NDUFA13: variants seen among roughly 807,000 people sequenced by gnomAD.
The protein encoded by NDUFA13 is NADH:ubiquinone oxidoreductase subunit A13, also known as NADH dehydrogenase [ubiquinone] 1 alpha subcomplex subunit 13.
A neutral mutation model predicts 17.0 loss-of-function variants in NDUFA13; 16 were observed. The observed-to-expected ratio is 0.94, with a 90% CI of 0.64 to 1.43. The LOEUF is 1.43. Among genes scored for constraint, NDUFA13 ranks in the 40% most tolerant of loss-of-function variants. The pLI, the probability that NDUFA13 is intolerant of heterozygous loss-of-function variation, is 0.00. For synonymous variants in NDUFA13, 87 were observed against 78.4 expected (o/e 1.11, Z -0.58); for missense variants, 228 against 206.7 (o/e 1.10, Z -0.63).
intron 1 of NDUFA13, among the ~76,000 whole-genome samples, chr19:19,523,916 C>G (rs975748332): frequency 6.6e-6 from 1 of 152,078 alleles, no homozygotes; most frequent in Non-Finnish European, 1.5e-5. Context: ...GGCTACAGAG[C>G]GAGACTTTGT....
At chr19:19,525,173 G>T (rs563297139) in intron 1 of NDUFA13, among the ~76,000 whole-genome samples, 1 of 152,358 alleles carries the variant, frequency 6.6e-6, no homozygotes, top group African/African-American at 2.4e-5. Context: ...TCTGAGCCCG[G>T]ACCCAGCACA....
Position 19,528,089 on chromosome 19 carries a change from C to A in NDUFA13, c.398C>A (p.Ala133Asp). The A allele has an allele frequency of 1.2e-6, 2 of 1,611,658 alleles. No homozygotes were observed. The highest frequency in any genetic ancestry group is 1.7e-6 in the Non-Finnish European group (2 of 1,179,862). Reference sequence around the variant, plus strand: ...TACGGGCTGCGCACCACAGAGGAGGCTCTCCATGCCAGCCACGGCTTCATG... The same window carrying A: ...TACGGGCTGCGCACCACAGAGGAGGATCTCCATGCCAGCCACGGCTTCATG... ...ELYGLRTTEE[A>D]LHASHGFMWY... is the part of the protein sequence containing the mutation. Residue 133 changes from alanine (A) to aspartate (D), a missense_variant, in exon 5 of 5, where the codon GCT becomes GAT. Coordinates refer to ENST00000507754, the MANE Select transcript of NDUFA13 (RefSeq NM_015965.7).
intron 3 of NDUFA13, 129 bp from the exon 4 acceptor site, chr19:19,527,572 G>A: frequency 1.0e-6 from 1 of 960,840 alleles, no homozygotes; most frequent in Non-Finnish European, 1.6e-6. Context: ...CAAGAGAAAA[G>A]CTAGGAGTTG....
chr19:19,519,661 T>C (rs1481334085), intron 1 of NDUFA13, among the ~76,000 whole-genome samples: 1 of 152,208 alleles, frequency 6.6e-6, no homozygotes, highest in Non-Finnish European at 1.5e-5. Context: ...TTTCTAGTTG[T>C]TGGTGAGGCC....
rs367688345 is a variant in NDUFA13 at position 19,527,141 on chromosome 19, C to G, written c.174-140C>G. 6 of 931,514 alleles carry G rather than the reference C, an allele frequency of 6.4e-6. No individual in the cohort carries two copies. The African/African-American group carries it at 9.8e-5, about 15-fold the overall frequency. The allele number at this position is 931,514 out of a possible 1,614,324, so 57.7% of individuals were successfully genotyped here. On this transcript the variant is annotated intron_variant, in intron 2 of 4. Coordinates refer to ENST00000507754, the MANE Select transcript of NDUFA13 (RefSeq NM_015965.7). ...CCCACAGCCCTTGCCCTTCCCGCGA[C>G]CCTCGCCCTGCCCCCTGCCTGCCTC...
chr19:19,520,650 A>G (rs1464918363), intron 1 of NDUFA13, among the ~76,000 whole-genome samples: 1 of 152,214 alleles, frequency 6.6e-6, no homozygotes, highest in Non-Finnish European at 1.5e-5. Flanking sequence ...ATAATAATAT[A>G]GTGAAGTGTG....
At position 19,521,544 on chromosome 19, in the gene NDUFA13, T is replaced by A. The variant is rs531231597; in HGVS notation, c.95-4638T>A. ...TGTTTATTGGCCATTTGTATGTCTG[T>A]CTGTGAGAAACGTCTATTCAAATCC... On this transcript the variant is annotated intron_variant, in intron 1 of 4. Coordinates refer to ENST00000507754, the MANE Select transcript of NDUFA13 (RefSeq NM_015965.7). 2.6e-5 allele frequency among the ~76,000 whole-genome samples: 4 copies of A among 152,412 alleles called. No homozygotes were observed. In the East Asian group the frequency reaches 7.7e-4, roughly 29 times the overall value.
intron 1 of NDUFA13, among the ~76,000 whole-genome samples, chr19:19,525,254 C>A (rs1369152180): frequency 6.6e-6 from 1 of 152,214 alleles, no homozygotes; most frequent in Non-Finnish European, 1.5e-5. Context: ...TAACCAGGTA[C>A]AAATTTGAGC....
chr19:19,527,636 G>T (rs1278073819), intron 3 of NDUFA13, 65 bp from the exon 4 acceptor site: 14 of 1,304,082 alleles, frequency 1.1e-5, no homozygotes, highest in Non-Finnish European at 1.4e-5. Flanking sequence ...TGCTACTAGG[G>T]GCCCTAGGCA....
In NDUFA13 at chr19:19,526,206, T is replaced by C; in HGVS notation, c.119T>C (p.Ile40Thr). The change falls in exon 2 of 5, where the codon ATT becomes ACT. Residue 40 changes from isoleucine (I) to threonine (T), a missense_variant. Physicochemically the swap from Ile to Thr is moderately conservative, Grantham distance 89 (BLOSUM62 -1). Transcript: ENST00000507754. ...LSGYSMLAIG[I>T]GTLIYGHWSI... ...GGCTACAGCATGCTGGCCATAGGGA[T>C]TGGAACCCTGATCTACGGGCACTGG... 6.2e-7 allele frequency: 1 copy of C among 1,614,076 alleles called. No individual in the cohort carries two copies. Among genetic ancestry groups the C allele is most frequent in the Middle Eastern group, 1.6e-4 (1 of 6,062 alleles).
At chr19:19,520,169 C>G (rs190168310) in intron 1 of NDUFA13, among the ~76,000 whole-genome samples, 2 of 151,938 alleles carry the variant, frequency 1.3e-5, no homozygotes, top group East Asian at 3.9e-4. Context: ...TAATCCATGC[C>G]GCTTCTGAAG....
intron 2 of NDUFA13, 59 bp downstream of exon 2, chr19:19,526,319 G>A: frequency 6.3e-7 from 1 of 1,576,368 alleles, no homozygotes; most frequent in East Asian, 2.3e-5. Context: ...TCGGGGTCCT[G>A]TAGCATTCCG....
Position 19,527,292 on chromosome 19 carries a change from T to G in NDUFA13, c.185T>G (p.Ile62Ser), listed in dbSNP as rs528545553. Reference protein sequence around the residue: ...KWNRERRRLQIEDFEARIALL... With the variant: ...KWNRERRRLQSEDFEARIALL... ...TCGGGCTTTCACAGGCGCCTACAAA[T>G]CGAGGACTTCGAGGCTCGCATCGCG... The change falls in exon 3 of 5, where the codon ATC (isoleucine) becomes AGC (serine). Residue 62 changes from isoleucine to serine, a missense_variant. Physicochemically the swap from Ile to Ser is moderately radical, Grantham distance 142. Coordinates refer to ENST00000507754, the MANE Select transcript of NDUFA13 (RefSeq NM_015965.7). 6.2e-7 allele frequency: 1 copy of G among 1,613,592 alleles called. No individual in the cohort carries two copies. The highest frequency in any genetic ancestry group is 1.7e-5 in the Admixed American group (1 of 60,006).
intron 1 of NDUFA13, chr19:19,525,883 G>C (rs1268461347): frequency 1.7e-6 from 1 of 604,436 alleles, no homozygotes; most frequent in African/African-American, 1.9e-5. Flanking sequence ...GACACTGTCA[G>C]AACTGCCCTT....
chr19:19,526,454 A>C, intron 2 of NDUFA13, 194 bp downstream of exon 2: 2 of 656,304 alleles, frequency 3.0e-6, no homozygotes, highest in Non-Finnish European at 5.5e-6. Context: ...AGATGTCTCC[A>C]TGTCTGCAAT....
intron 1 of NDUFA13, among the ~76,000 whole-genome samples, chr19:19,523,609 C>T (rs903714990): frequency 1.3e-5 from 2 of 152,034 alleles, no homozygotes; most frequent in East Asian, 3.9e-4. Context: ...CAGATACGTG[C>T]CACCACATCT....
At chr19:19,516,464 C>T (rs1434979005) in intron 1 of NDUFA13, 132 bp downstream of exon 1, 1 of 943,212 alleles carries the variant, frequency 1.1e-6, no homozygotes, top group Middle Eastern at 3.1e-4. Flanking sequence ...TCCATCATAG[C>T]TTCTGTAATA....
chr19:19,519,408 CT>C lies in NDUFA13; in HGVS notation c.94+3077del, dbSNP rs1355517656. 6.6e-5 allele frequency among the ~76,000 whole-genome samples: 10 copies of C among 152,334 alleles called. No homozygotes were observed. In the East Asian group the frequency reaches 1.4e-3, roughly 21 times the overall value. ...GTTCACCACAGAGCAGTGGCCCCCC[CT>C]GTGCCAGACAGTGCCCTAAATACCA... On this transcript the variant is annotated intron_variant, in intron 1 of 4. Coordinates refer to ENST00000507754, the MANE Select transcript of NDUFA13 (RefSeq NM_015965.7).
chr19:19,527,361 G>T lies in NDUFA13; in HGVS notation c.245+9G>T, dbSNP rs765925432. The T allele has an allele frequency of 1.9e-6, 3 of 1,613,680 alleles. No individual in the cohort carries two copies. Among genetic ancestry groups the T allele is most frequent in the Admixed American group, 3.3e-5 (2 of 60,032 alleles). Reference sequence around the variant, plus strand: ...GCAGAAACCGACCGGAGGTAGCACCGCAGGGGCCAAGGTTGGGAGGTCACT... The same window carrying T: ...GCAGAAACCGACCGGAGGTAGCACCTCAGGGGCCAAGGTTGGGAGGTCACT... On this transcript the variant is annotated intron_variant, in intron 3 of 4. Coordinates refer to ENST00000507754, the MANE Select transcript of NDUFA13 (RefSeq NM_015965.7).
Sources: allele counts gnomAD v4.1 joint callset (sites outside exome capture counted in the v4.1 genomes callset), GRCh38; gene constraint gnomAD v4.1.1; transcripts MANE v1.5; gene names NCBI Gene and HGNC (gene_info 2026-07-23, HGNC 2026-07-21).